The following MAGI2 variants were observed in gnomAD, a reference collection of about 807,000 sequenced individuals.
MAGI2 encodes membrane-associated guanylate kinase, WW and PDZ domain-containing protein 2.
MAGI2 carries 35 observed loss-of-function variants against 133.3 expected under a neutral mutation model. The observed-to-expected ratio is 0.26, with a 90% CI of 0.20 to 0.35. The LOEUF (loss-of-function observed/expected upper bound fraction) is 0.35. Among genes scored for constraint, MAGI2 ranks in the 10% least tolerant of loss-of-function variants. The probability of loss-of-function intolerance (pLI) is 1.00; values close to 1 mark genes in which losing one functional copy is unlikely to be tolerated. For missense variants in MAGI2, 1,636 were observed against 1,863.4 expected (o/e 0.88, Z 2.25); for synonymous variants, 729 against 710.6 (o/e 1.03, Z -0.41).
At chr7:78,335,864 T>C (rs1292206044) in intron 9 of MAGI2, among the ~76,000 whole-genome samples, 1 of 152,210 alleles carries the variant, frequency 6.6e-6, no homozygotes, top group Non-Finnish European at 1.5e-5. Flanking sequence ...TACAAAGCCA[T>C]AATGATGCAA....
At chr7:79,028,289 ATATGTGTG>A (rs1255631615) in intron 1 of MAGI2, among the ~76,000 whole-genome samples, 22 of 51,936 alleles carry the variant, frequency 4.2e-4, no homozygotes, top group African/African-American at 8.8e-4. Flanking sequence ...ATATATATAT[ATATGTGTG>A]TATATATATA....
At chr7:79,214,407 C>CTATATATATATATATATA (rs1196193501) in intron 1 of MAGI2, among the ~76,000 whole-genome samples, 1 of 17,718 alleles carries the variant, frequency 5.6e-5, no homozygotes, top group African/African-American at 2.3e-4. Context: ...CTCTCTCTCT[C>CTATATATATATATATATA]TATATATATA....
chr7:78,650,471 AAG>A (rs1462762598), intron 2 of MAGI2, among the ~76,000 whole-genome samples: 14 of 152,282 alleles, frequency 9.2e-5, no homozygotes, highest in Admixed American at 3.3e-4. Flanking sequence ...GCAAAGGAAA[AAG>A]AGCTGGGTCC....
chr7:78,530,679 C>A (rs974301468), intron 3 of MAGI2, among the ~76,000 whole-genome samples: 35 of 152,074 alleles, frequency 2.3e-4, no homozygotes, highest in African/African-American at 7.5e-4. Flanking sequence ...GTGCCTCATG[C>A]TTCTCTTTTC....
At chr7:78,156,849 A>AAAAAC (rs1473434555) in intron 16 of MAGI2, among the ~76,000 whole-genome samples, 1 of 152,074 alleles carries the variant, frequency 6.6e-6, no homozygotes, top group Non-Finnish European at 1.5e-5. Flanking sequence ...CCCAAAAAAC[A>AAAAAC]AAAACAAAAC....
chr7:78,840,236 G>A (rs1185875224), intron 2 of MAGI2, among the ~76,000 whole-genome samples: 4 of 151,956 alleles, frequency 2.6e-5, no homozygotes, highest in African/African-American at 9.7e-5. Context: ...GAACTAAATG[G>A]TCCTACATAT....
chr7:78,784,178 G>A (rs1826619669), intron 2 of MAGI2, among the ~76,000 whole-genome samples: 1 of 150,748 alleles, frequency 6.6e-6, no homozygotes, highest in Non-Finnish European at 1.5e-5. Flanking sequence ...TTCAGATCAA[G>A]TGTAAACCAT....
At chr7:79,135,551 C>T (rs6970575) in intron 1 of MAGI2, among the ~76,000 whole-genome samples, 3,571 of 152,174 alleles carry the variant, frequency 0.023, 155 homozygotes, top group African/African-American at 0.082. Flanking sequence ...GTGAATTCGG[C>T]CCCAGAATCC....
At chr7:78,554,280 C>T (rs911654976) in intron 3 of MAGI2, among the ~76,000 whole-genome samples, 5 of 152,230 alleles carry the variant, frequency 3.3e-5, no homozygotes, top group East Asian at 1.9e-4. Context: ...CTTGTGTAAG[C>T]GCTTGTGAAA....
At chr7:78,788,671 G>T (rs1827031826) in intron 2 of MAGI2, among the ~76,000 whole-genome samples, 1 of 151,646 alleles carries the variant, frequency 6.6e-6, no homozygotes, top group Non-Finnish European at 1.5e-5. Flanking sequence ...GTTTAGAACT[G>T]AACTAGGAAA....
intron 2 of MAGI2, among the ~76,000 whole-genome samples, chr7:78,795,787 A>C (rs1260230108): frequency 6.6e-6 from 1 of 152,174 alleles, no homozygotes; most frequent in Non-Finnish European, 1.5e-5. Flanking sequence ...CGGCATAAAA[A>C]CAGACATATA....
chr7:78,043,516 A>G (rs1227470277), intron 21 of MAGI2, among the ~76,000 whole-genome samples: 4 of 152,212 alleles, frequency 2.6e-5, no homozygotes, highest in Non-Finnish European at 5.9e-5. Context: ...ATTGGCCAAA[A>G]TCTCCATTTA....
chr7:78,590,093 AT>A, intron 3 of MAGI2, among the ~76,000 whole-genome samples: 1 of 152,240 alleles, frequency 6.6e-6, no homozygotes, highest in Non-Finnish European at 1.5e-5. Flanking sequence ...AGTTGAAATT[AT>A]ATTTTTCTTT....
intron 9 of MAGI2, among the ~76,000 whole-genome samples, chr7:78,332,469 C>G (rs577249983): frequency 6.6e-6 from 1 of 152,070 alleles, no homozygotes; most frequent in Non-Finnish European, 1.5e-5. Flanking sequence ...GAGGCCGAGG[C>G]GGGAGGATCA....
chr7:78,866,437 G>A (rs955949681), intron 2 of MAGI2, among the ~76,000 whole-genome samples: 3 of 151,834 alleles, frequency 2.0e-5, no homozygotes, highest in African/African-American at 4.8e-5. Flanking sequence ...GGTGGGGGAG[G>A]GAAACATGTT....
intron 2 of MAGI2, among the ~76,000 whole-genome samples, chr7:78,877,288 AC>A (rs1207328008): frequency 2.2e-4 from 34 of 152,196 alleles, no homozygotes; most frequent in Admixed American, 2.2e-3. Context: ...TATCTGCTAG[AC>A]GTTTGACTAG....
At chr7:78,776,135 C>T (rs1825969126) in intron 2 of MAGI2, among the ~76,000 whole-genome samples, 1 of 152,186 alleles carries the variant, frequency 6.6e-6, no homozygotes, top group South Asian at 2.1e-4. Context: ...TAGTACAATG[C>T]CTAGAACTAT....
At chr7:78,459,982 C>G (rs1789787560) in intron 6 of MAGI2, among the ~76,000 whole-genome samples, 1 of 152,222 alleles carries the variant, frequency 6.6e-6, no homozygotes, top group Admixed American at 6.5e-5. Context: ...ATCTGTTGGG[C>G]TGCACCCCAG....
chr7:78,987,531 A>G (rs1234194250), intron 2 of MAGI2, among the ~76,000 whole-genome samples: 1 of 152,076 alleles, frequency 6.6e-6, no homozygotes, highest in Non-Finnish European at 1.5e-5. Context: ...ATAATGCACC[A>G]ACATTTCAAG....
Sources: allele counts gnomAD v4.1 joint callset (sites outside exome capture counted in the v4.1 genomes callset), GRCh38; gene constraint gnomAD v4.1.1; transcripts MANE v1.5; gene names NCBI Gene and HGNC (gene_info 2026-07-23, HGNC 2026-07-21).